The following SNX16 variants were observed in gnomAD, a reference collection of about 807,000 sequenced individuals.
SNX16 encodes sorting nexin-16.
SNX16 carries 35 observed loss-of-function variants against 36.7 expected under a neutral mutation model. That is an observed-to-expected ratio of 0.95 (90% CI 0.73 to 1.27). The LOEUF (loss-of-function observed/expected upper bound fraction) is 1.27. Ranked by LOEUF, SNX16 falls within the 50% of genes most tolerant of loss-of-function variation. The pLI is 0.00. For missense variants in SNX16, 367 were observed against 393.6 expected, an observed-to-expected ratio of 0.93 and a Z score of 0.57; for synonymous variants, 134 against 132.0, an observed-to-expected ratio of 1.02 and a Z score of -0.10.
intron 2 of SNX16, among the ~76,000 whole-genome samples, chr8:81,833,172 CT>C (rs34583266): frequency 7.0e-4 from 101 of 143,632 alleles, no homozygotes; most frequent in African/African-American, 1.3e-3. Flanking sequence ...TCACCTATTT[CT>C]TTTTTTTTTT....
intron 5 of SNX16, among the ~76,000 whole-genome samples, chr8:81,814,144 A>AT (rs1177285225): frequency 6.6e-6 from 1 of 152,046 alleles, no homozygotes; most frequent in African/African-American, 2.4e-5. Flanking sequence ...ATTACTCATA[A>AT]TATCACAAAA....
At chr8:81,829,160 A>G (rs1303520143) in intron 3 of SNX16, among the ~76,000 whole-genome samples, 1 of 152,172 alleles carries the variant, frequency 6.6e-6, no homozygotes, top group Non-Finnish European at 1.5e-5. Context: ...TCATTATCTT[A>G]TAGACATATA....
In SNX16 at chr8:81,801,589, C is replaced by T. The variant is rs1209838613; in HGVS notation, c.943G>A (p.Asp315Asn). 4 of 1,435,824 alleles carry T rather than the reference C, an allele frequency of 2.8e-6. No individual in the cohort carries two copies. The African/African-American group carries it at 4.6e-5, about 16-fold the overall frequency. The allele number at this position is 1,435,824 out of a possible 1,614,324, so 88.9% of individuals were successfully genotyped here. A position where few individuals can be genotyped will look rare whatever the true frequency, so the allele number is the denominator to read the frequency against. Reference sequence around the variant, plus strand: ...CTAAAACTTAAGCATGGTTTATTATCAGCTCTGCAAAAAAAAAAAAAAAAG... The same window carrying T: ...CTAAAACTTAAGCATGGTTTATTATTAGCTCTGCAAAAAAAAAAAAAAAAG... ...QDVLDEESRA[D>N]NKPCLSFSEP... Residue 315 changes from aspartate (D) to asparagine (N), a missense_variant, in exon 8 of 8, where the codon GAT becomes AAT. Physicochemically the swap from Asp to Asn is conservative, Grantham distance 23 (BLOSUM62 1). Coordinates refer to ENST00000345957, the MANE Select transcript of SNX16 (RefSeq NM_152836.3).
Position 81,799,824 on chromosome 8 carries a change from T to C in SNX16, c.*1673A>G, listed in dbSNP as rs1232149574. On this transcript the variant is annotated 3_prime_UTR_variant, in exon 8 of 8. Coordinates refer to ENST00000345957, the MANE Select transcript of SNX16 (RefSeq NM_152836.3). ...TCTAGAATTTGGCAAAGATCTGTTA[T>C]ATAAGATACAGAATGGTACTGATTA... is the stretch of plus-strand genomic sequence containing the variant. 6.6e-6 allele frequency: 1 copy of C among 151,910 alleles called. No homozygotes were observed. Among genetic ancestry groups the C allele is most frequent in the Non-Finnish European group, 1.5e-5 (1 of 67,808 alleles). 9.4% of individuals were successfully genotyped at this position (151,910 alleles called of 1,614,324 possible).
At chr8:81,822,964 A>G (rs201827706) in intron 4 of SNX16, among the ~76,000 whole-genome samples, 32 of 127,246 alleles carry the variant, frequency 2.5e-4, no homozygotes, top group East Asian at 6.1e-4. Flanking sequence ...ATATATATAT[A>G]TATATATATA....
In SNX16 at chr8:81,800,772, T is replaced by C. The variant is rs1809650261; in HGVS notation, c.*725A>G. The C allele has an allele frequency of 1.3e-5, 2 of 152,156 alleles. No individual in the cohort carries two copies. The highest frequency in any genetic ancestry group is 4.8e-5 in the African/African-American group (2 of 41,406). The allele number at this position is 152,156 out of a possible 1,614,324, so 9.4% of individuals were successfully genotyped here. A position where few individuals can be genotyped will look rare whatever the true frequency, so the allele number is the denominator to read the frequency against. On this transcript the variant is annotated 3_prime_UTR_variant, in exon 8 of 8. Transcript: ENST00000345957. ...AAGAGGCAAACTCACTAAATCTAGGTAGAGATAAAGATTACGTGGAAACTA... is the reference window on the plus strand; with the variant it reads ...AAGAGGCAAACTCACTAAATCTAGGCAGAGATAAAGATTACGTGGAAACTA...
chr8:81,822,033 T>A (rs1810769573), intron 4 of SNX16, among the ~76,000 whole-genome samples: 1 of 152,084 alleles, frequency 6.6e-6, no homozygotes, highest in Admixed American at 6.6e-5. Flanking sequence ...ATAGCTAGTA[T>A]CATCTTAGAA....
chr8:81,817,977 C>A (rs970292092), intron 4 of SNX16, among the ~76,000 whole-genome samples: 1 of 152,020 alleles, frequency 6.6e-6, no homozygotes, highest in Non-Finnish European at 1.5e-5. Context: ...TTACTAAAGG[C>A]AGATAAGGAA....
intron 5 of SNX16, among the ~76,000 whole-genome samples, chr8:81,810,161 G>C (rs745566343): frequency 6.6e-6 from 1 of 152,040 alleles, no homozygotes; most frequent in African/African-American, 2.4e-5. Context: ...ATTCATTAAT[G>C]TTAATACAGT....
At chr8:81,830,367 G>A (rs1311947557) in intron 2 of SNX16, among the ~76,000 whole-genome samples, 7 of 151,896 alleles carry the variant, frequency 4.6e-5, no homozygotes, top group South Asian at 2.1e-4. Flanking sequence ...TCAGGAGATC[G>A]AGACCATCCT....
At chr8:81,823,080 T>C (rs1433080827) in intron 4 of SNX16, among the ~76,000 whole-genome samples, 2 of 151,132 alleles carry the variant, frequency 1.3e-5, no homozygotes, top group Admixed American at 1.3e-4. Flanking sequence ...AAAAATTAGA[T>C]AGAATGGTTT....
At position 81,823,859 on chromosome 8, in the gene SNX16, C is replaced by T. The variant is rs139295703; in HGVS notation, c.544G>A (p.Glu182Lys). 1.3e-3 allele frequency: 2,051 copies of T among 1,612,124 alleles called. 4 individuals carry two copies. The highest frequency in any genetic ancestry group is 1.7e-3 in the Non-Finnish European group (1,976 of 1,179,014). Reference protein sequence around the residue: ...FKDNYNADFLEDRQLGLQAFL... With the variant: ...FKDNYNADFLKDRQLGLQAFL... ...GCTTGTAATCCTAATTGTCTGTCTT[C>T]TAAAAAGTCAGCATTGTAATTATCT... Residue 182 changes from glutamate (E) to lysine (K), a missense_variant, in exon 4 of 8, where the codon GAA becomes AAA. Transcript: ENST00000345957.
chr8:81,800,102 A>G lies in SNX16; in HGVS notation c.*1395T>C, dbSNP rs1295403573. The G allele has an allele frequency of 6.6e-6, 1 of 151,882 alleles. No individual in the cohort carries two copies. Among genetic ancestry groups the G allele is most frequent in the African/African-American group, 2.4e-5 (1 of 41,448 alleles). 9.4% of individuals were successfully genotyped at this position (151,882 alleles called of 1,614,324 possible). A position where few individuals can be genotyped will look rare whatever the true frequency, so the allele number is the denominator to read the frequency against. On this transcript the variant is annotated 3_prime_UTR_variant, in exon 8 of 8. Coordinates refer to ENST00000345957, the MANE Select transcript of SNX16 (RefSeq NM_152836.3). ...TGAATGTGTTGATATATGTCATTAG[A>G]ATTTTAAACAGCCACACCTTAATAT... is the stretch of plus-strand genomic sequence containing the variant.
intron 1 of SNX16, among the ~76,000 whole-genome samples, chr8:81,840,953 CACA>C (rs74275144): frequency 0.25 from 37,629 of 152,006 alleles, 5,178 homozygotes; most frequent in East Asian, 0.37. Flanking sequence ...CAAGACTACA[CACA>C]ACAATAACTG....
intron 5 of SNX16, chr8:81,814,694 C>T (rs1049483667): frequency 3.9e-5 from 6 of 152,080 alleles, no homozygotes; most frequent in African/African-American, 1.4e-4. Context: ...GGCATTCAAT[C>T]TAACACAAAG....
At chr8:81,813,051 A>G (rs1373983093) in intron 5 of SNX16, among the ~76,000 whole-genome samples, 1 of 152,046 alleles carries the variant, frequency 6.6e-6, no homozygotes, top group East Asian at 1.9e-4. Context: ...GACAGATGAG[A>G]GAAACAGAAA....
chr8:81,824,195 G>A (rs975960055), intron 3 of SNX16, among the ~76,000 whole-genome samples: 1 of 152,076 alleles, frequency 6.6e-6, no homozygotes, highest in Admixed American at 6.5e-5. Context: ...TTTAGTGGGG[G>A]TGTAGAACCA....
chr8:81,833,576 A>T (rs921072697), intron 2 of SNX16, among the ~76,000 whole-genome samples: 1 of 152,228 alleles, frequency 6.6e-6, no homozygotes, highest in Admixed American at 6.5e-5. Flanking sequence ...AAAACTTTTG[A>T]GTATGAATGA....
At position 81,802,559 on chromosome 8, in the gene SNX16, G is replaced by A. The variant is rs201807801; in HGVS notation, c.819-60C>T. 60 of 1,461,290 alleles carry A rather than the reference G, an allele frequency of 4.1e-5. 2 individuals are homozygous for A. The highest frequency in any genetic ancestry group is 5.3e-5 in the Non-Finnish European group (57 of 1,066,444). The allele number at this position is 1,461,290 out of a possible 1,614,324, so 90.5% of individuals were successfully genotyped here. A position where few individuals can be genotyped will look rare whatever the true frequency, so the allele number is the denominator to read the frequency against. On this transcript the variant is annotated intron_variant, in intron 6 of 7. Coordinates refer to ENST00000345957, the MANE Select transcript of SNX16 (RefSeq NM_152836.3). ...TGAACAAAACAGGCATATGTTTAAT[G>A]TTGTGAATACAGGTAGCTATAGCAG... is the stretch of plus-strand genomic sequence containing the variant.
Sources: gnomAD v4.1 joint callset for allele counts (sites outside exome capture counted in the v4.1 genomes callset) on GRCh38, gnomAD v4.1.1 for gene constraint, MANE v1.5 for transcripts, NCBI Gene and HGNC (gene_info 2026-07-23, HGNC 2026-07-21) for gene names.